Variants in FLYWCH1 observed in about 807,000 individuals in gnomAD.
The protein encoded by FLYWCH1 is FLYWCH-type zinc finger-containing protein 1.
FLYWCH1 carries 75 observed loss-of-function variants against 66.4 expected under a neutral mutation model. The observed-to-expected ratio is 1.13, with a 90% CI of 0.94 to 1.37. The LOEUF (loss-of-function observed/expected upper bound fraction) is 1.37. FLYWCH1 is among the 40% of genes most tolerant of loss of function. FLYWCH1 has a pLI of 0.00. For missense variants in FLYWCH1, 1,334 were observed against 1,001.8 expected (o/e 1.33, Z -4.48); for synonymous variants, 595 against 429.9 (o/e 1.38, Z -4.75).
chr16:2,934,105 G>T, intron 6 of FLYWCH1, 126 bp downstream of exon 6: 1 of 1,213,540 alleles, frequency 8.2e-7, no homozygotes, highest in Non-Finnish European at 1.1e-6. Context: ...ATCCTAGAAG[G>T]AACTATGGCC....
chr16:2,920,173 C>A (rs2070319487), intron 2 of FLYWCH1, among the ~76,000 whole-genome samples: 1 of 152,044 alleles, frequency 6.6e-6, no homozygotes. Context: ...TAGAAAATTT[C>A]ACAACATATA....
At chr16:2,940,983 TAGTC>T (rs1002811024) in intron 9 of FLYWCH1, among the ~76,000 whole-genome samples, 13 of 152,038 alleles carry the variant, frequency 8.6e-5, no homozygotes, top group Non-Finnish European at 1.5e-4. Flanking sequence ...ATACAAAAAT[TAGTC>T]AGGCATGGTG....
intron 4 of FLYWCH1, among the ~76,000 whole-genome samples, chr16:2,932,416 T>A (rs900448611): frequency 3.3e-5 from 5 of 151,868 alleles, no homozygotes; most frequent in Non-Finnish European, 1.5e-5. Context: ...AGCTTTATCC[T>A]AAGGTGGCTG....
chr16:2,934,198 C>G (rs2070900484), intron 6 of FLYWCH1, among the ~76,000 whole-genome samples: 1 of 152,184 alleles, frequency 6.6e-6, no homozygotes, highest in African/African-American at 2.4e-5. Context: ...CCCTTCCAGC[C>G]TGACCTGCCC....
rs769513607 is a variant in FLYWCH1 at position 2,948,835 on chromosome 16, C to T, written c.*108C>T. ...GGCTTAGCAGAAACTTCTTTTCATT[C>T]TTCCAAAGCATCGATGGTCTTCGCG... is the stretch of plus-strand genomic sequence containing the variant. On this transcript the variant is annotated 3_prime_UTR_variant, in exon 10 of 10. Coordinates refer to ENST00000253928, the MANE Select transcript of FLYWCH1 (RefSeq NM_001308068.2). 5.0e-6 allele frequency: 5 copies of T among 991,122 alleles called. No homozygotes were observed. In the Admixed American group the frequency reaches 9.4e-5, roughly 19 times the overall value. The allele number at this position is 991,122 out of a possible 1,614,324, so 61.4% of individuals were successfully genotyped here.
chr16:2,917,509 G>C (rs1037162916), intron 2 of FLYWCH1, among the ~76,000 whole-genome samples: 1 of 151,864 alleles, frequency 6.6e-6, no homozygotes, highest in Non-Finnish European at 1.5e-5. Flanking sequence ...GATTACAGGT[G>C]TGAGCCACCA....
At position 2,948,859 on chromosome 16, in the gene FLYWCH1, C is replaced by A; in HGVS notation, c.*132C>A. ...TCTTCCAAAGCATCGATGGTCTTCG[C>A]GTCTCCTCAGGAGGTCTCCCAGGAG... On this transcript the variant is annotated 3_prime_UTR_variant, in exon 10 of 10. Transcript: ENST00000253928. 5.2e-6 allele frequency: 4 copies of A among 771,588 alleles called. No homozygotes were observed. Among genetic ancestry groups the A allele is most frequent in the Non-Finnish European group, 8.7e-6 (4 of 458,604 alleles). 47.8% of individuals were successfully genotyped at this position (771,588 alleles called of 1,614,324 possible). A position where few individuals can be genotyped will look rare whatever the true frequency, so the allele number is the denominator to read the frequency against.
At chr16:2,941,151 T>TATAAGAAACCAGTGAGTCAGA (rs1174368071) in intron 9 of FLYWCH1, among the ~76,000 whole-genome samples, 2 of 151,974 alleles carry the variant, frequency 1.3e-5, no homozygotes, top group Admixed American at 6.6e-5. Context: ...AGAACACACT[T>TATAAGAAACCAGTGAGTCAGA]ATAAGAAACC....
chr16:2,934,129 C>G, intron 6 of FLYWCH1, 150 bp downstream of exon 6: 1 of 1,028,814 alleles, frequency 9.7e-7, no homozygotes, highest in Non-Finnish European at 1.4e-6. Context: ...GCCTCCTACT[C>G]CTTGGCCCCC....
chr16:2,919,032 C>G (rs2070273982), intron 2 of FLYWCH1, among the ~76,000 whole-genome samples: 2 of 151,218 alleles, frequency 1.3e-5, no homozygotes, highest in Non-Finnish European at 3.0e-5. Context: ...ACTGCAACCT[C>G]CAAAGCAATT....
chr16:2,943,543 A>T (rs1239837274), intron 9 of FLYWCH1: 1 of 151,706 alleles, frequency 6.6e-6, no homozygotes, highest in Admixed American at 6.6e-5. Context: ...AATAGACACA[A>T]AACATTTGAC....
At chr16:2,922,627 ATATATT>A (rs1429081884) in intron 2 of FLYWCH1, 1 of 404,320 alleles carries the variant, frequency 2.5e-6, no homozygotes, top group Non-Finnish European at 4.8e-6. Flanking sequence ...AAAGATATAC[ATATATT>A]TAGAATTAGC....
chr16:2,919,897 C>G (rs868785497), intron 2 of FLYWCH1, among the ~76,000 whole-genome samples: 1 of 152,084 alleles, frequency 6.6e-6, no homozygotes. Context: ...GCGCTTCCCC[C>G]GTGACGGGTG....
intron 2 of FLYWCH1, among the ~76,000 whole-genome samples, chr16:2,917,715 G>C (rs1708976813): frequency 6.6e-6 from 1 of 152,150 alleles, no homozygotes; most frequent in South Asian, 2.1e-4. Context: ...GTTTGTCAAA[G>C]TCTAGTTCAC....
At chr16:2,920,496 C>T (rs1596356811) in intron 2 of FLYWCH1, among the ~76,000 whole-genome samples, 1 of 148,784 alleles carries the variant, frequency 6.7e-6, no homozygotes, top group African/African-American at 2.5e-5. Context: ...CCTGGGTGGC[C>T]GTGAGACTCT....
At chr16:2,920,715 A>G (rs62032308) in intron 2 of FLYWCH1, among the ~76,000 whole-genome samples, 45,513 of 149,760 alleles carry the variant, frequency 0.3, 7,155 homozygotes, top group African/African-American at 0.39. Context: ...CTATTTTTGT[A>G]TTTTTAGTGG....
At chr16:2,932,750 A>T (rs896302055) in intron 4 of FLYWCH1, among the ~76,000 whole-genome samples, 5 of 152,162 alleles carry the variant, frequency 3.3e-5, no homozygotes, top group Admixed American at 3.3e-4. Context: ...GTGACAGAAA[A>T]CAGAGACCAC....
At chr16:2,923,585 C>A (rs542699749) in intron 2 of FLYWCH1, among the ~76,000 whole-genome samples, 14 of 152,258 alleles carry the variant, frequency 9.2e-5, no homozygotes, top group African/African-American at 3.1e-4. Context: ...CCTTTGCTGT[C>A]CCTTATACTT....
chr16:2,940,806 C>G (rs1180036206), intron 9 of FLYWCH1, among the ~76,000 whole-genome samples: 1 of 152,028 alleles, frequency 6.6e-6, no homozygotes, highest in African/African-American at 2.4e-5. Context: ...AGTCCTTTCA[C>G]GGCTGGATAC....
Sources: allele counts gnomAD v4.1 joint callset (sites outside exome capture counted in the v4.1 genomes callset), GRCh38; gene constraint gnomAD v4.1.1; transcripts MANE v1.5; gene names NCBI Gene and HGNC (gene_info 2026-07-23, HGNC 2026-07-21).